SERPINB7: variants seen among roughly 807,000 people sequenced by gnomAD.
SERPINB7 encodes the protein serpin family B member 7, also known as serpin B7.
SERPINB7 carries 31 observed loss-of-function variants against 37.4 expected under a neutral mutation model. The ratio of observed to expected loss-of-function variants is 0.83; its 90% CI spans 0.62 to 1.12. SERPINB7 has a LOEUF of 1.12. SERPINB7 is among the 50% of genes most tolerant of loss of function. SERPINB7 has a pLI of 0.00. For synonymous variants in SERPINB7, 163 were observed against 166.1 expected, an observed-to-expected ratio of 0.98 and a Z score of 0.14; for missense variants, 521 against 455.3, an observed-to-expected ratio of 1.14 and a Z score of -1.31.
intron 1 of SERPINB7, among the ~76,000 whole-genome samples, chr18:63,757,041 T>C (rs990044311): frequency 2.6e-5 from 4 of 152,214 alleles, no homozygotes; most frequent in Non-Finnish European, 5.9e-5. Context: ...TATCTGTTCA[T>C]GTGCTTAGCC....
At chr18:63,773,768 A>C (rs1227506573), upstream of SERPINB7, among the ~76,000 whole-genome samples, 1 of 152,180 alleles carries the variant, frequency 6.6e-6, no homozygotes, top group Non-Finnish European at 1.5e-5. Context: ...CTTTCTTCTC[A>C]TACTTATGTC....
intron 1 of SERPINB7, among the ~76,000 whole-genome samples, chr18:63,769,502 C>T (rs1251934411): frequency 1.3e-5 from 2 of 151,946 alleles, no homozygotes; most frequent in African/African-American, 2.4e-5. Flanking sequence ...TTGAGACTTT[C>T]CTGGTTTTTG....
chr18:63,778,311 T>C (rs1307563098), intron 1 of SERPINB7, among the ~76,000 whole-genome samples: 1 of 152,126 alleles, frequency 6.6e-6, no homozygotes, highest in Non-Finnish European at 1.5e-5. Flanking sequence ...AATACAAAGA[T>C]TTTAAAATAT....
chr18:63,792,286 AT>A lies in SERPINB7; in HGVS notation c.169-105del, dbSNP rs1183948620. 7 of 769,856 alleles carry A rather than the reference AT, an allele frequency of 9.1e-6. No individual in the cohort carries two copies. The Admixed American group carries it at 9.3e-5, about 10-fold the overall frequency. 47.7% of individuals were successfully genotyped at this position (769,856 alleles called of 1,614,324 possible). ...AGATACTAATGAACTTGGAATGGCAATTAGACACATTTATTGGGAAAGAATA... is the reference window on the plus strand; with the variant it reads ...AGATACTAATGAACTTGGAATGGCAATAGACACATTTATTGGGAAAGAATA... On this transcript the variant is annotated intron_variant, in intron 2 of 7. Coordinates refer to ENST00000398019, the MANE Select transcript of SERPINB7 (RefSeq NM_003784.4).
At chr18:63,777,512 T>G (rs1458780554) in intron 1 of SERPINB7, among the ~76,000 whole-genome samples, 1 of 151,976 alleles carries the variant, frequency 6.6e-6, no homozygotes, top group Non-Finnish European at 1.5e-5. Context: ...ATATCTAAAT[T>G]TACTACATAA....
At chr18:63,764,561 G>A (rs987062128) in intron 1 of SERPINB7, among the ~76,000 whole-genome samples, 2 of 151,988 alleles carry the variant, frequency 1.3e-5, no homozygotes, top group Admixed American at 1.3e-4. Flanking sequence ...TAAAATCATA[G>A]AAATTAATAA....
At chr18:63,764,157 C>G (rs2049168415) in intron 1 of SERPINB7, among the ~76,000 whole-genome samples, 1 of 152,116 alleles carries the variant, frequency 6.6e-6, no homozygotes, top group Non-Finnish European at 1.5e-5. Flanking sequence ...TGATTGTTAA[C>G]CTGATAGGCT....
chr18:63,767,803 A>G (rs2049188706), intron 1 of SERPINB7, among the ~76,000 whole-genome samples: 1 of 151,942 alleles, frequency 6.6e-6, no homozygotes. Context: ...GGGACTTGAG[A>G]TTTCTATTTT....
chr18:63,771,605 G>A (rs1464941928), upstream of SERPINB7, among the ~76,000 whole-genome samples: 1 of 152,030 alleles, frequency 6.6e-6, no homozygotes, highest in East Asian at 1.9e-4. Flanking sequence ...ACCTCTGCCC[G>A]TAAATTAAAG....
In SERPINB7 at chr18:63,795,558, T is replaced by C. The variant is rs544929617; in HGVS notation, c.337-708T>C. Among the ~76,000 whole-genome samples, 6 of 139,910 alleles carry C rather than the reference T, an allele frequency of 4.3e-5. No individual in the cohort carries two copies. In the East Asian group the frequency reaches 1.2e-3, roughly 29 times the overall value. The allele number at this position is 139,910 out of a possible 152,430, so 91.8% of individuals were successfully genotyped here. On this transcript the variant is annotated intron_variant, in intron 4 of 7. Coordinates refer to ENST00000398019, the MANE Select transcript of SERPINB7 (RefSeq NM_003784.4). ...CCTGCAAGGGGACAAGAGTGAGACA[T>C]CGTCTCAAAAAAAGAATTAAAAAAA...
rs138599538 is a variant in SERPINB7, at chr18:63,760,638, C to T, written c.-19+7518C>T. Among the ~76,000 whole-genome samples the T allele has an allele frequency of 2.4e-3, 364 of 152,294 alleles. 1 individual carries two copies. The highest frequency in any genetic ancestry group is 8.3e-3 in the African/African-American group (346 of 41,556). ...AAAAAGTGGTTTTGTGGGCTGGGCC[C>T]AGGGTCCTCGTATTGTGTGCAGCCT... On this transcript the variant is annotated intron_variant, in intron 1 of 7. Transcript: ENST00000336429.
intron 4 of SERPINB7, 21 bp downstream of exon 4, chr18:63,793,298 T>A (rs1228530088): frequency 8.1e-7 from 1 of 1,235,738 alleles, no homozygotes; most frequent in African/African-American, 1.5e-5. Flanking sequence ...CTGCCTTTGT[T>A]AGAAGGACCT....
chr18:63,797,175 T>C (rs1243437880), intron 5 of SERPINB7, among the ~76,000 whole-genome samples: 1 of 152,208 alleles, frequency 6.6e-6, no homozygotes, highest in Non-Finnish European at 1.5e-5. Context: ...TACCTAAGGG[T>C]TGGCCTTGAT....
Position 63,800,820 on chromosome 18 carries a change from A to G in SERPINB7, c.598-46A>G, listed in dbSNP as rs925491076. 6 of 1,601,546 alleles carry G rather than the reference A, an allele frequency of 3.7e-6. 1 individual carries two copies. The African/African-American group carries it at 8.1e-5, about 22-fold the overall frequency. ...CTTATATGTATTTGGTTAATAAAGT[A>G]AAATGAGGTGGGATCATAAATAATT... On this transcript the variant is annotated intron_variant, in intron 6 of 7. Transcript: ENST00000398019.
chr18:63,754,992 C>T (rs1464236606), intron 1 of SERPINB7, among the ~76,000 whole-genome samples: 131 of 140,144 alleles, frequency 9.3e-4, no homozygotes, highest in South Asian at 2.3e-3. Context: ...CTCCGCTTCC[C>T]GGGTTCACGC....
chr18:63,755,881 G>A (rs1273016380), intron 1 of SERPINB7, among the ~76,000 whole-genome samples: 5 of 151,988 alleles, frequency 3.3e-5, no homozygotes, highest in East Asian at 3.8e-4. Flanking sequence ...GTAACAAAGT[G>A]AGACCCTGTC....
At chr18:63,772,844 C>T (rs2049219012), upstream of SERPINB7, among the ~76,000 whole-genome samples, 1 of 152,118 alleles carries the variant, frequency 6.6e-6, no homozygotes, top group Non-Finnish European at 1.5e-5. Flanking sequence ...AACAAGGCCT[C>T]CTGCAGTTGG....
In SERPINB7 at chr18:63,788,435, CTT is replaced by C. The variant is rs1167344392; in HGVS notation, c.169-3956_169-3955del. On this transcript the variant is annotated intron_variant, in intron 2 of 7. Transcript: ENST00000398019. ...ATATAATTGTACTGTTGTATGATGT[CTT>C]TGTGTTTTAAGACTAGTGTTGTTAC... 1.2e-4 allele frequency among the ~76,000 whole-genome samples: 19 copies of C among 152,222 alleles called. No individual in the cohort carries two copies. In the East Asian group the frequency reaches 3.3e-3, roughly 26 times the overall value.
chr18:63,767,886 G>A (rs2049189289), intron 1 of SERPINB7, among the ~76,000 whole-genome samples: 1 of 152,008 alleles, frequency 6.6e-6, no homozygotes, highest in Non-Finnish European at 1.5e-5. Context: ...TATGGGGTGA[G>A]TTTTGGTAGT....
Sources: allele counts gnomAD v4.1 joint callset (sites outside exome capture counted in the v4.1 genomes callset), GRCh38; gene constraint gnomAD v4.1.1; transcripts MANE v1.5; gene names NCBI Gene and HGNC (gene_info 2026-07-23, HGNC 2026-07-21).